Variants in CDH12 observed in about 807,000 individuals in gnomAD.
CDH12 encodes the protein cadherin-12.
Under a neutral mutation model 74.1 loss-of-function variants are expected in CDH12, and 41 were observed. The observed-to-expected ratio is 0.55, with a 90% confidence interval of 0.43 to 0.72. The LOEUF is 0.72. Ranked by LOEUF, CDH12 falls within the 30% of genes least tolerant of loss-of-function variation. CDH12 has a pLI of 0.00. For missense variants in CDH12, 945 were observed against 977.2 expected, an observed-to-expected ratio of 0.97 and a Z score of 0.44; for synonymous variants, 399 against 355.0, an observed-to-expected ratio of 1.12 and a Z score of -1.39.
chr5:22,041,626 T>C (rs1739578110), intron 5 of CDH12, among the ~76,000 whole-genome samples: 1 of 152,150 alleles, frequency 6.6e-6, no homozygotes, highest in African/African-American at 2.4e-5. Context: ...GTAACAATTA[T>C]ATATGCACCT....
In CDH12 at chr5:22,117,448, A is replaced by AAT. The variant is rs545748935; in HGVS notation, c.-186-38588_-186-38587dup. ...ATGCATATATAAATTATATATATAT[A>AAT]ATATATATATTATATATATAATATA... is the stretch of plus-strand genomic sequence containing the variant. On this transcript the variant is annotated intron_variant, in intron 4 of 14. Coordinates refer to ENST00000382254, the MANE Select transcript of CDH12 (RefSeq NM_004061.5). 7.8e-3 allele frequency among the ~76,000 whole-genome samples: 699 copies of AAT among 89,860 alleles called. 14 individuals carry two copies. The highest frequency in any genetic ancestry group is 0.032 in the African/African-American group (667 of 20,790). The allele number at this position is 89,860 out of a possible 152,430, so 59.0% of individuals were successfully genotyped here.
chr5:22,036,978 CTG>C (rs1561044831), intron 5 of CDH12, among the ~76,000 whole-genome samples: 1 of 152,100 alleles, frequency 6.6e-6, no homozygotes, highest in African/African-American at 2.4e-5. Context: ...TTAATCCTCA[CTG>C]GTAGTTTTTG....
At chr5:21,868,154 ACCTCTTTCTTTTGTAAATTG>A (rs1342132798) in intron 6 of CDH12, among the ~76,000 whole-genome samples, 1 of 147,478 alleles carries the variant, frequency 6.8e-6, no homozygotes, top group East Asian at 2.0e-4. Context: ...GTCCAATTAA[ACCTCTTTCTTTTGTAAATTG>A]CCTCTTTCTT....
At chr5:21,950,038 T>C (rs1310071388) in intron 6 of CDH12, among the ~76,000 whole-genome samples, 1 of 152,328 alleles carries the variant, frequency 6.6e-6, no homozygotes, top group Middle Eastern at 3.4e-3. Context: ...TTATAGTAAG[T>C]GCCCTAATCA....
At chr5:22,043,197 A>G (rs1215998858) in intron 5 of CDH12, among the ~76,000 whole-genome samples, 1 of 152,140 alleles carries the variant, frequency 6.6e-6, no homozygotes, top group Non-Finnish European at 1.5e-5. Context: ...AAAATCCTCA[A>G]CAGAATACTA....
At chr5:22,470,412 T>TTTTATTTTATTTTA (rs1554043317) in intron 2 of CDH12, among the ~76,000 whole-genome samples, 1 of 137,770 alleles carries the variant, frequency 7.3e-6, no homozygotes, top group African/African-American at 2.7e-5. Context: ...TTTTATTTTA[T>TTTTATTTTATTTTA]TTTATTTATT....
At chr5:22,258,248 C>T (rs1753388202) in intron 3 of CDH12, among the ~76,000 whole-genome samples, 1 of 151,954 alleles carries the variant, frequency 6.6e-6, no homozygotes, top group South Asian at 2.1e-4. Context: ...CTTAAACAGC[C>T]CATAAAAACC....
At chr5:22,759,240 C>T (rs6861317) in intron 1 of CDH12, among the ~76,000 whole-genome samples, 74,897 of 151,854 alleles carry the variant, frequency 0.49, 18,451 homozygotes, top group East Asian at 0.55. Context: ...TTCAAAGAGG[C>T]CACCACACAT....
intron 3 of CDH12, among the ~76,000 whole-genome samples, chr5:22,231,279 A>C (rs565996428): frequency 1.3e-5 from 2 of 152,118 alleles, no homozygotes; most frequent in African/African-American, 4.8e-5. Flanking sequence ...ATTAAACCAC[A>C]TATATTGGCT....
At chr5:22,267,038 C>T (rs898153224) in intron 3 of CDH12, among the ~76,000 whole-genome samples, 5 of 152,074 alleles carry the variant, frequency 3.3e-5, no homozygotes, top group African/African-American at 1.2e-4. Flanking sequence ...TGAAGCTTCT[C>T]AACAAATTAT....
intron 7 of CDH12, among the ~76,000 whole-genome samples, chr5:21,854,100 T>C (rs1170590861): frequency 6.6e-6 from 1 of 151,728 alleles, no homozygotes; most frequent in African/African-American, 2.4e-5. Flanking sequence ...GCTACTCATA[T>C]TGTATTTGAA....
At chr5:22,660,828 T>C (rs1397147333) in intron 1 of CDH12, among the ~76,000 whole-genome samples, 1 of 152,212 alleles carries the variant, frequency 6.6e-6, no homozygotes. Flanking sequence ...TTTTAAAGAA[T>C]TCATGATTTG....
At chr5:22,081,425 C>T (rs555362792) in intron 4 of CDH12, among the ~76,000 whole-genome samples, 1 of 152,124 alleles carries the variant, frequency 6.6e-6, no homozygotes, top group South Asian at 2.1e-4. Context: ...TTTGTTTCTT[C>T]CATGTTTCAT....
chr5:22,059,318 CATCT>C (rs1474425643), intron 5 of CDH12, among the ~76,000 whole-genome samples: 1 of 143,106 alleles, frequency 7.0e-6, no homozygotes, highest in East Asian at 2.1e-4. Context: ...ATCATCTATC[CATCT>C]ATCGTCTATC....
At chr5:21,903,960 G>T (rs76575874) in intron 6 of CDH12, among the ~76,000 whole-genome samples, 23,079 of 152,070 alleles carry the variant, frequency 0.15, 1,920 homozygotes, top group Admixed American at 0.2. Context: ...AAAAGACATG[G>T]ATTTCCAGAT....
intron 1 of CDH12, among the ~76,000 whole-genome samples, chr5:22,571,476 G>A (rs916213223): frequency 2.6e-5 from 4 of 152,252 alleles, no homozygotes; most frequent in East Asian, 1.9e-4. Context: ...ACAGGCATGC[G>A]CCACAACGCC....
intron 6 of CDH12, among the ~76,000 whole-genome samples, chr5:21,955,134 T>G (rs983010288): frequency 2.6e-5 from 4 of 152,074 alleles, no homozygotes; most frequent in Admixed American, 1.3e-4. Context: ...ATTAATTTCT[T>G]TGATCCACAT....
intron 7 of CDH12, 43 bp downstream of exon 7, chr5:21,854,627 AT>A (rs1208458165): frequency 5.5e-6 from 8 of 1,458,124 alleles, no homozygotes; most frequent in Non-Finnish European, 7.4e-6. Context: ...AAGTTTAAAT[AT>A]TTGAAGGGCT....
chr5:22,365,187 C>A (rs1177160628), intron 3 of CDH12, among the ~76,000 whole-genome samples: 1 of 152,092 alleles, frequency 6.6e-6, no homozygotes, highest in Non-Finnish European at 1.5e-5. Flanking sequence ...TATGGGTGTA[C>A]ACAATTTTGA....
Sources: allele counts gnomAD v4.1 joint callset (sites outside exome capture counted in the v4.1 genomes callset), GRCh38; gene constraint gnomAD v4.1.1; transcripts MANE v1.5; gene names NCBI Gene and HGNC (gene_info 2026-07-23, HGNC 2026-07-21).